The following ATP10B variants were observed in gnomAD, a reference collection of about 807,000 sequenced individuals.
ATP10B encodes the protein ATPase phospholipid transporting 10B (putative), also known as phospholipid-transporting ATPase VB.
A neutral mutation model predicts 141.2 loss-of-function variants in ATP10B; 122 were observed. The ratio of observed to expected loss-of-function variants is 0.86; its 90% CI spans 0.75 to 1.00. ATP10B has a LOEUF of 1.00. Among genes scored for constraint, ATP10B ranks in the 50% least tolerant of loss-of-function variants. The pLI is 0.00. For synonymous variants in ATP10B, 685 were observed against 692.0 expected (o/e 0.99, Z 0.16); for missense variants, 1,876 against 1,825.3 (o/e 1.03, Z -0.51).
chr5:160,565,604 G>A lies in ATP10B; in HGVS notation c.4235C>T (p.Ser1412Leu), dbSNP rs1754484547. Residue 1412 changes from serine to leucine, a missense_variant, in exon 26 of 26, where the codon TCA (serine) becomes TTA (leucine). By Grantham distance (145) the Ser-to-Leu change is moderately radical. Transcript: ENST00000327245. ...RCGTECMRDD[S>L]CSGDSSAQLS... The stretch of plus-strand genomic sequence containing the variant: ...TTGAGCTGAGGAGTCCCCTGAGCAT[G>A]AGTCATCCCTCATGCACTCCGTGCC... 1 of 1,614,110 alleles carries A rather than the reference G, an allele frequency of 6.2e-7. No individual in the cohort carries two copies. Among genetic ancestry groups the A allele is most frequent in the Non-Finnish European group, 8.5e-7 (1 of 1,179,986 alleles).
chr5:160,777,947 A>G (rs776269444), intron 2 of ATP10B, among the ~76,000 whole-genome samples: 2 of 150,524 alleles, frequency 1.3e-5, no homozygotes, highest in African/African-American at 2.4e-5. Context: ...AAAACCACCT[A>G]CAGAGACTGG....
chr5:160,780,943 A>G (rs1029205630), intron 2 of ATP10B, among the ~76,000 whole-genome samples: 4 of 152,208 alleles, frequency 2.6e-5, no homozygotes, highest in Non-Finnish European at 4.4e-5. Flanking sequence ...GGAAGTTGCC[A>G]TGAAAATGAT....
chr5:160,655,213 G>C (rs1361354160), intron 7 of ATP10B, among the ~76,000 whole-genome samples: 5 of 152,146 alleles, frequency 3.3e-5, no homozygotes, highest in Non-Finnish European at 7.3e-5. Flanking sequence ...TACCTACAAA[G>C]GGTAAGGGTT....
At chr5:160,767,746 G>A (rs948426611) in intron 2 of ATP10B, among the ~76,000 whole-genome samples, 3 of 149,714 alleles carry the variant, frequency 2.0e-5, no homozygotes, top group Admixed American at 1.4e-4. Flanking sequence ...GTTTAATCCT[G>A]GATTCTTGCT....
intron 24 of ATP10B, among the ~76,000 whole-genome samples, chr5:160,574,433 CA>C (rs201222026): frequency 2.0e-5 from 3 of 151,890 alleles, no homozygotes; most frequent in East Asian, 3.9e-4. Flanking sequence ...GATTCTATCT[CA>C]AAAAAAATTT....
intron 1 of ATP10B, among the ~76,000 whole-genome samples, chr5:160,808,037 T>C (rs974517031): frequency 3.9e-5 from 6 of 152,106 alleles, no homozygotes; most frequent in African/African-American, 1.4e-4. Context: ...TAATCTCCAT[T>C]GTCAAAAAAC....
Position 160,566,358 on chromosome 5 carries a change from A to G in ATP10B, c.3939-458T>C, listed in dbSNP as rs570022925. ...ATTTCTGGGCTACTCCAATTTAGGC[A>G]AATTTAATTGCTCTGTCATGTTAAG... On this transcript the variant is annotated intron_variant, in intron 25 of 25. Coordinates refer to ENST00000327245, the MANE Select transcript of ATP10B (RefSeq NM_025153.3). Among the ~76,000 whole-genome samples the G allele has an allele frequency of 3.3e-5, 5 of 152,322 alleles. No individual in the cohort carries two copies. In the East Asian group the frequency reaches 9.6e-4, roughly 29 times the overall value.
intron 3 of ATP10B, among the ~76,000 whole-genome samples, chr5:160,699,194 A>G (rs1311255069): frequency 6.6e-6 from 1 of 152,238 alleles, no homozygotes; most frequent in African/African-American, 2.4e-5. Flanking sequence ...AGTGCAGGCA[A>G]TATTTCCTTT....
chr5:160,689,429 T>C (rs1763946668), intron 3 of ATP10B, among the ~76,000 whole-genome samples: 1 of 151,846 alleles, frequency 6.6e-6, no homozygotes, highest in Non-Finnish European at 1.5e-5. Flanking sequence ...AGAGAGAGAG[T>C]CAAATGGTCT....
intron 25 of ATP10B, among the ~76,000 whole-genome samples, chr5:160,567,838 A>G (rs1754636155): frequency 6.6e-6 from 1 of 151,992 alleles, no homozygotes; most frequent in Non-Finnish European, 1.5e-5. Context: ...TGAGCCAATG[A>G]TAATGGACTA....
At chr5:160,865,867 C>CA in the ATP10B span, among the ~76,000 whole-genome samples, 1 of 152,070 alleles carries the variant, frequency 6.6e-6, no homozygotes, top group East Asian at 1.9e-4. Context: ...AATGTGATAC[C>CA]ACTTTACTCC....
At chr5:160,702,918 T>C (rs933080729) in intron 3 of ATP10B, among the ~76,000 whole-genome samples, 2 of 152,238 alleles carry the variant, frequency 1.3e-5, no homozygotes, top group African/African-American at 2.4e-5. Context: ...CTATTTTCTA[T>C]ATACCATTTT....
chr5:160,912,474 C>A, the ATP10B span, among the ~76,000 whole-genome samples: 1 of 150,006 alleles, frequency 6.7e-6, no homozygotes, highest in African/African-American at 2.4e-5. Flanking sequence ...TGGTGCACAC[C>A]TGTAGTCCCA....
At chr5:160,779,140 C>G (rs1284986004) in intron 2 of ATP10B, among the ~76,000 whole-genome samples, 1 of 152,082 alleles carries the variant, frequency 6.6e-6, no homozygotes, top group Non-Finnish European at 1.5e-5. Flanking sequence ...TTTATATAAT[C>G]ACAAAAAGGC....
intron 1 of ATP10B, among the ~76,000 whole-genome samples, chr5:160,788,128 C>T (rs1771303124): frequency 6.6e-6 from 1 of 152,164 alleles, no homozygotes; most frequent in Non-Finnish European, 1.5e-5. Flanking sequence ...GTGAGATGAC[C>T]TCTAGAAACC....
At chr5:160,566,998 G>A (rs1422835317) in intron 25 of ATP10B, among the ~76,000 whole-genome samples, 1 of 152,172 alleles carries the variant, frequency 6.6e-6, no homozygotes, top group African/African-American at 2.4e-5. Flanking sequence ...TGGATCTCAT[G>A]GAACCAGATA....
In ATP10B at chr5:160,687,800, C is replaced by G. The variant is rs369485215; in HGVS notation, c.275G>C (p.Arg92Thr). The G allele has an allele frequency of 3.8e-5, 61 of 1,612,986 alleles. No individual in the cohort carries two copies. The African/African-American group carries it at 7.5e-4, about 20-fold the overall frequency. Reference protein sequence around the residue: ...LPRNLFEQFHRWANLYFLFLV... With the variant: ...LPRNLFEQFHTWANLYFLFLV... ...ATTGTTCAGACAAGTGGATCTCTAC[C>G]TATGAAATTGCTCAAAGAGATTCCG... is the stretch of plus-strand genomic sequence containing the variant. The change falls in exon 5 of 26, where the codon AGA (arginine) becomes ACA (threonine). Residue 92 changes from arginine to threonine, a missense_variant and splice_region_variant. Transcript: ENST00000327245.
intron 9 of ATP10B, among the ~76,000 whole-genome samples, chr5:160,642,865 G>T (rs1354693994): frequency 6.6e-6 from 1 of 152,154 alleles, no homozygotes; most frequent in African/African-American, 2.4e-5. Context: ...TTACCCATAG[G>T]CAGCCCGACT....
intron 2 of ATP10B, among the ~76,000 whole-genome samples, chr5:160,779,624 C>A (rs1270068573): frequency 6.6e-6 from 1 of 152,186 alleles, no homozygotes; most frequent in African/African-American, 2.4e-5. Context: ...GGTGGGCCTG[C>A]AGTCTTGGCT....
Sources: allele counts gnomAD v4.1 joint callset (sites outside exome capture counted in the v4.1 genomes callset), GRCh38; gene constraint gnomAD v4.1.1; transcripts MANE v1.5; gene names NCBI Gene and HGNC (gene_info 2026-07-23, HGNC 2026-07-21).